PRKCI: variants seen among roughly 807,000 people sequenced by gnomAD.
PRKCI encodes protein kinase C iota.
PRKCI carries 43 observed loss-of-function variants against 84.0 expected under a neutral mutation model. The ratio of observed to expected loss-of-function variants is 0.51; its 90% CI spans 0.40 to 0.66. The LOEUF is 0.66. PRKCI is among the 30% of genes least tolerant of loss of function. The pLI, the probability that PRKCI is intolerant of heterozygous loss-of-function variation, is 0.00. For missense variants in PRKCI, 459 were observed against 745.6 expected (o/e 0.62, Z 4.48); for synonymous variants, 216 against 234.4 (o/e 0.92, Z 0.72).
At chr3:170,253,512 C>G (rs1733503924) in intron 2 of PRKCI, among the ~76,000 whole-genome samples, 1 of 152,188 alleles carries the variant, frequency 6.6e-6, no homozygotes, top group Admixed American at 6.5e-5. Flanking sequence ...TGTTCAGGAG[C>G]CGGGCACAGT....
intron 9 of PRKCI, among the ~76,000 whole-genome samples, chr3:170,280,743 C>G (rs1368088830): frequency 6.6e-6 from 1 of 152,184 alleles, no homozygotes; most frequent in Non-Finnish European, 1.5e-5. Flanking sequence ...AGCCACCGCA[C>G]CCAGCCAAGA....
intron 8 of PRKCI, among the ~76,000 whole-genome samples, chr3:170,279,404 C>T (rs1734192676): frequency 6.6e-6 from 1 of 152,176 alleles, no homozygotes. Flanking sequence ...CAGTTTTGTG[C>T]TTGCGGGTTT....
intron 17 of PRKCI, among the ~76,000 whole-genome samples, chr3:170,301,245 G>A (rs1279442349): frequency 6.6e-6 from 1 of 152,154 alleles, no homozygotes; most frequent in Non-Finnish European, 1.5e-5. Flanking sequence ...TTTGAATCCC[G>A]ATGCCACCTC....
At chr3:170,266,487 C>T (rs1191862955) in intron 4 of PRKCI, among the ~76,000 whole-genome samples, 5 of 150,616 alleles carry the variant, frequency 3.3e-5, no homozygotes, top group African/African-American at 7.3e-5. Flanking sequence ...TGCCTCTAAT[C>T]GTAAGTAAAC....
intron 1 of PRKCI, among the ~76,000 whole-genome samples, chr3:170,232,353 CTCATTTATTT>C (rs374192013): frequency 9.9e-5 from 15 of 151,076 alleles, no homozygotes; most frequent in African/African-American, 3.4e-4. Flanking sequence ...CCTGGCTGCA[CTCATTTATTT>C]TCATTTATTT....
intron 13 of PRKCI, among the ~76,000 whole-genome samples, chr3:170,292,884 A>G (rs896733730): frequency 6.6e-6 from 1 of 151,216 alleles, no homozygotes; most frequent in African/African-American, 2.4e-5. Flanking sequence ...TACTGAAAAC[A>G]CAAAAAATTA....
chr3:170,296,143 T>C (rs1432690533), intron 15 of PRKCI, among the ~76,000 whole-genome samples, 153 bp downstream of exon 15: 4 of 152,226 alleles, frequency 2.6e-5, no homozygotes, highest in African/African-American at 9.6e-5. Context: ...CAAAGAGTAA[T>C]TGACAGCATT....
chr3:170,229,855 G>A (rs887985986), intron 1 of PRKCI, among the ~76,000 whole-genome samples: 2 of 151,978 alleles, frequency 1.3e-5, no homozygotes, highest in African/African-American at 4.8e-5. Context: ...TTGACTGTCA[G>A]ATTGGCAAAA....
rs143088076 is a variant in PRKCI, at chr3:170,231,062, C to T, written c.102-4168C>T. Among the ~76,000 whole-genome samples, 683 of 148,448 alleles carry T rather than the reference C, an allele frequency of 4.6e-3. 6 individuals carry two copies. Among genetic ancestry groups the T allele is most frequent in the African/African-American group, 0.016 (647 of 40,198 alleles). On this transcript the variant is annotated intron_variant, in intron 1 of 17. Coordinates refer to ENST00000295797, the MANE Select transcript of PRKCI (RefSeq NM_002740.6). ...GCAACCTCCGCCTCCCAGGTTCAAG[C>T]GATTCTCCAGTCTCAGTCTCTCAAG...
At chr3:170,236,303 G>GT (rs1204205307) in intron 2 of PRKCI, among the ~76,000 whole-genome samples, 1 of 151,524 alleles carries the variant, frequency 6.6e-6, no homozygotes, top group Non-Finnish European at 1.5e-5. Flanking sequence ...GTTTTGCCGT[G>GT]TTGCCCAGGC....
At chr3:170,259,914 A>G (rs1337252072) in intron 2 of PRKCI, 55 bp from the exon 3 acceptor site, 7 of 982,788 alleles carry the variant, frequency 7.1e-6, no homozygotes, top group South Asian at 1.9e-5. Flanking sequence ...TTGTTTAGTA[A>G]TCATCACATT....
intron 14 of PRKCI, among the ~76,000 whole-genome samples, chr3:170,294,160 C>T (rs940963069): frequency 2.0e-5 from 3 of 152,022 alleles, no homozygotes; most frequent in Non-Finnish European, 2.9e-5. Flanking sequence ...CACAGGGACC[C>T]TGAGGCTGAG....
intron 1 of PRKCI, among the ~76,000 whole-genome samples, chr3:170,225,486 C>A (rs189396958): frequency 6.6e-6 from 1 of 152,080 alleles, no homozygotes; most frequent in Non-Finnish European, 1.5e-5. Context: ...GAACATTCTG[C>A]ATTTGAAAAA....
chr3:170,233,347 T>TA (rs576036602), intron 1 of PRKCI, among the ~76,000 whole-genome samples: 174 of 152,028 alleles, frequency 1.1e-3, no homozygotes, highest in Admixed American at 2.0e-3. Flanking sequence ...AAAAAATGCT[T>TA]AAAAAAATTC....
intron 6 of PRKCI, among the ~76,000 whole-genome samples, chr3:170,270,928 A>G (rs1373677602): frequency 6.6e-6 from 1 of 151,914 alleles, no homozygotes; most frequent in Non-Finnish European, 1.5e-5. Context: ...TCAGGTAAGA[A>G]GAGTCAAAGG....
At chr3:170,268,704 A>T (rs1733925218) in intron 5 of PRKCI, among the ~76,000 whole-genome samples, 3 of 152,202 alleles carry the variant, frequency 2.0e-5, no homozygotes, top group African/African-American at 7.2e-5. Context: ...ACTACGTACC[A>T]GGCACTTTTC....
intron 5 of PRKCI, among the ~76,000 whole-genome samples, chr3:170,268,693 T>TG (rs1733924770): frequency 2.0e-5 from 3 of 152,212 alleles, no homozygotes; most frequent in African/African-American, 7.2e-5. Context: ...ATCTGGGTTG[T>TG]ACTACGTACC....
intron 17 of PRKCI, among the ~76,000 whole-genome samples, chr3:170,301,246 A>G (rs1734811234): frequency 6.6e-6 from 1 of 152,196 alleles, no homozygotes; most frequent in South Asian, 2.1e-4. Flanking sequence ...TTGAATCCCG[A>G]TGCCACCTCT....
chr3:170,262,188 T>G (rs9829017), intron 3 of PRKCI, among the ~76,000 whole-genome samples: 7,085 of 152,286 alleles, frequency 0.047, 531 homozygotes, highest in African/African-American at 0.16. Flanking sequence ...GTATATACAT[T>G]TAAAGTTTCT....
Sources: allele counts gnomAD v4.1 joint callset (sites outside exome capture counted in the v4.1 genomes callset), GRCh38; gene constraint gnomAD v4.1.1; transcripts MANE v1.5; gene names NCBI Gene and HGNC (gene_info 2026-07-23, HGNC 2026-07-21).